HACL1: variants seen among roughly 807,000 people sequenced by gnomAD.
HACL1 encodes 2-hydroxyacyl-CoA lyase 1, also known as 1600020H07Rik.
A neutral mutation model predicts 74.2 loss-of-function variants in HACL1; 64 were observed. The ratio of observed to expected loss-of-function variants is 0.86; its 90% CI spans 0.70 to 1.06. HACL1 has a LOEUF of 1.06. HACL1 is among the 50% of genes least tolerant of loss of function. The probability of loss-of-function intolerance (pLI) is 0.00; values close to 1 mark genes in which losing one functional copy is unlikely to be tolerated. For missense variants in HACL1, 728 were observed against 719.7 expected (o/e 1.01, Z -0.13); for synonymous variants, 230 against 238.8 (o/e 0.96, Z 0.34).
chr3:15,561,045 G>T, intron 16 of HACL1, 148 bp from the exon 17 acceptor site: 1 of 660,934 alleles, frequency 1.5e-6, no homozygotes, highest in Non-Finnish European at 2.7e-6. Flanking sequence ...TTCCCAAAAA[G>T]GACCTAAAAA....
At chr3:15,566,973 C>T (rs1050649118) in intron 14 of HACL1, among the ~76,000 whole-genome samples, 3 of 151,684 alleles carry the variant, frequency 2.0e-5, no homozygotes, top group Non-Finnish European at 4.4e-5. Flanking sequence ...GCATGCACCA[C>T]CACATCTGGC....
chr3:15,584,974 G>GATGT (rs1280291848), intron 7 of HACL1, among the ~76,000 whole-genome samples: 1 of 152,116 alleles, frequency 6.6e-6, no homozygotes, highest in Non-Finnish European at 1.5e-5. Context: ...ATTAACGAGG[G>GATGT]ATGTATATTT....
chr3:15,572,281 TG>T (rs2063549545), intron 11 of HACL1, among the ~76,000 whole-genome samples: 1 of 152,176 alleles, frequency 6.6e-6, no homozygotes, highest in African/African-American at 2.4e-5. Context: ...ATGGGAAACA[TG>T]GAAGGCTTTT....
Position 15,563,345 on chromosome 3 carries a change from C to T in HACL1, c.1704+13G>A, listed in dbSNP as rs763240189. ...GATGCATTTCTTGCTTTCTGCTTAG[C>T]AACTGTATTTACCTGGGCCTTCCGT... On this transcript the variant is annotated intron_variant, in intron 16 of 16. Transcript: ENST00000321169. The T allele has an allele frequency of 2.5e-6, 4 of 1,593,908 alleles. No homozygotes were observed. The South Asian group carries it at 3.3e-5, about 13-fold the overall frequency.
At chr3:15,569,348 T>C (rs2063484514) in intron 12 of HACL1, among the ~76,000 whole-genome samples, 1 of 152,210 alleles carries the variant, frequency 6.6e-6, no homozygotes, top group African/African-American at 2.4e-5. Context: ...ACATCGTTCC[T>C]ATGCGAAAGA....
Position 15,564,652 on chromosome 3 carries a change from G to A in HACL1, c.1416C>T (p.Asn472=). ...GMEVETICRY[N]LPIILLVVNN... ...TCACTACCAACAGTATGATTGGCAA[G>A]TTGTACCTAAAGTGAGAGTAAAATA... Residue 472 remains asparagine, a synonymous_variant, in exon 15 of 17, where the codon AAC becomes AAT. Transcript: ENST00000321169. The A allele has an allele frequency of 7.1e-7, 1 of 1,399,592 alleles. No homozygotes were observed. Among genetic ancestry groups the A allele is most frequent in the East Asian group, 2.3e-5 (1 of 43,412 alleles). The allele number at this position is 1,399,592 out of a possible 1,614,324, so 86.7% of individuals were successfully genotyped here.
intron 16 of HACL1, among the ~76,000 whole-genome samples, chr3:15,561,425 T>A (rs915715139): frequency 1.4e-4 from 21 of 152,052 alleles, no homozygotes. Flanking sequence ...GTATAATGTA[T>A]GTAAATTCCA....
intron 5 of HACL1, 30 bp from the exon 6 acceptor site, chr3:15,586,632 T>G: frequency 2.4e-6 from 3 of 1,253,884 alleles, no homozygotes; most frequent in Non-Finnish European, 3.5e-6. Context: ...CACTTAAAAT[T>G]CAGCTCACAA....
intron 4 of HACL1, among the ~76,000 whole-genome samples, chr3:15,589,929 G>T (rs943975462): frequency 3.3e-5 from 5 of 152,066 alleles, no homozygotes; most frequent in Non-Finnish European, 7.4e-5. Flanking sequence ...CAGCTACTTG[G>T]GAGGCTGAGG....
chr3:15,563,908 T>C (rs772334175), intron 15 of HACL1, among the ~76,000 whole-genome samples: 1 of 152,198 alleles, frequency 6.6e-6, no homozygotes, highest in Non-Finnish European at 1.5e-5. Flanking sequence ...GCAGCATGCC[T>C]AGTGGCTACT....
chr3:15,596,273 TTAATA>T (rs2064061508), intron 3 of HACL1, 106 bp downstream of exon 3: 2 of 674,192 alleles, frequency 3.0e-6, no homozygotes, highest in Non-Finnish European at 2.7e-6. Context: ...CCTTTGTTAT[TTAATA>T]TATTTTTCTA....
chr3:15,598,571 C>A (rs2064116687), intron 2 of HACL1, among the ~76,000 whole-genome samples: 2 of 152,184 alleles, frequency 1.3e-5, no homozygotes, highest in Admixed American at 6.5e-5. Flanking sequence ...GTAAAACACT[C>A]AAAATAGTGC....
rs764641639 is a variant in HACL1 at position 15,588,303 on chromosome 3, C to T, written c.381+1237G>A. Among the ~76,000 whole-genome samples, 5 of 152,050 alleles carry T rather than the reference C, an allele frequency of 3.3e-5. No individual in the cohort carries two copies. In the East Asian group the frequency reaches 5.8e-4, roughly 18 times the overall value. ...CCAACAACTGTTTTTTCTAAAGACA[C>T]GGTATCTTGGATGGGTGTGGTGGCT... On this transcript the variant is annotated intron_variant, in intron 5 of 16. Coordinates refer to ENST00000321169, the MANE Select transcript of HACL1 (RefSeq NM_012260.4).
At chr3:15,578,156 C>G (rs2063659146) in intron 9 of HACL1, among the ~76,000 whole-genome samples, 1 of 146,774 alleles carries the variant, frequency 6.8e-6, no homozygotes, top group Non-Finnish European at 1.5e-5. Flanking sequence ...ATGTTAATAA[C>G]TGATGCAATC....
chr3:15,571,938 C>T (rs1487348299), intron 11 of HACL1, among the ~76,000 whole-genome samples, 169 bp from the exon 12 acceptor site: 1 of 134,576 alleles, frequency 7.4e-6, no homozygotes, highest in Non-Finnish European at 1.5e-5. Flanking sequence ...CTCCCAGGTT[C>T]AAGCAATTCT....
At chr3:15,573,264 A>T (rs1305711476) in intron 10 of HACL1, 22 bp from the exon 11 acceptor site, 1 of 1,405,330 alleles carries the variant, frequency 7.1e-7, no homozygotes, top group Non-Finnish European at 1.0e-6. Context: ...ACAAGGCTAA[A>T]GAACAACCCA....
intron 14 of HACL1, among the ~76,000 whole-genome samples, chr3:15,565,261 G>C (rs1348158433): frequency 6.6e-6 from 1 of 152,022 alleles, no homozygotes; most frequent in East Asian, 1.9e-4. Flanking sequence ...CATAAGTCTA[G>C]ATGGTATATG....
chr3:15,579,924 A>C lies in HACL1; in HGVS notation c.789T>G (p.Gly263=). ...ATGCCACACACCTGGATCTGGCTGCACCTACACAGTATGGATGGTTGTCAG... is the reference window on the plus strand; with the variant it reads ...ATGCCACACACCTGGATCTGGCTGCCCCTACACAGTATGGATGGTTGTCAG... ...VVPDNHPYCV[G]AARSRALQFA... The change falls in exon 9 of 17, where the codon GGT becomes GGG. Residue 263 remains glycine (G), a synonymous_variant. Coordinates refer to ENST00000321169, the MANE Select transcript of HACL1 (RefSeq NM_012260.4). The C allele has an allele frequency of 6.2e-7, 1 of 1,609,414 alleles. No individual in the cohort carries two copies.
rs149869846 is a variant in HACL1, at chr3:15,579,952, A to T, written c.761T>A (p.Val254Asp). The change falls in exon 9 of 17, where the codon GTC becomes GAC. Residue 254 changes from valine (V) to aspartate (D), a missense_variant. Coordinates refer to ENST00000321169, the MANE Select transcript of HACL1 (RefSeq NM_012260.4). ...TACACAGTATGGATGGTTGTCAGGGACAACACCCTTCCCCATAGGGGTGGG... is the reference window on the plus strand; with the variant it reads ...TACACAGTATGGATGGTTGTCAGGGTCAACACCCTTCCCCATAGGGGTGGG... Reference protein sequence around the residue: ...FLPTPMGKGVVPDNHPYCVGA... With the variant: ...FLPTPMGKGVDPDNHPYCVGA... 61 of 1,611,882 alleles carry T rather than the reference A, an allele frequency of 3.8e-5. No homozygotes were observed. Among genetic ancestry groups the T allele is most frequent in the African/African-American group, 9.3e-5 (7 of 74,890 alleles).
Sources: allele counts gnomAD v4.1 joint callset (sites outside exome capture counted in the v4.1 genomes callset), GRCh38; gene constraint gnomAD v4.1.1; transcripts MANE v1.5; gene names NCBI Gene and HGNC (gene_info 2026-07-23, HGNC 2026-07-21).